NFIB: variants seen among roughly 807,000 people sequenced by gnomAD.
The protein encoded by NFIB is nuclear factor 1 B-type.
NFIB carries 11 observed loss-of-function variants against 61.5 expected under a neutral mutation model. The ratio of observed to expected loss-of-function variants is 0.18; its 90% CI spans 0.11 to 0.30. The LOEUF is 0.30. Among genes scored for constraint, NFIB ranks in the 10% least tolerant of loss-of-function variants. The pLI, the probability that NFIB is intolerant of heterozygous loss-of-function variation, is 1.00. For synonymous variants in NFIB, 260 were observed against 216.5 expected, an observed-to-expected ratio of 1.20 and a Z score of -1.76; for missense variants, 471 against 608.9, an observed-to-expected ratio of 0.77 and a Z score of 2.38.
the NFIB span, among the ~76,000 whole-genome samples, chr9:14,483,656 C>T: frequency 0.11 from 16,616 of 152,130 alleles, 1,010 homozygotes; most frequent in South Asian, 0.19. Flanking sequence ...GCGCAGTACC[C>T]GGCACATGGA....
the NFIB span, among the ~76,000 whole-genome samples, chr9:14,484,351 A>G: frequency 4.3e-4 from 66 of 152,284 alleles, no homozygotes; most frequent in African/African-American, 1.6e-3. Flanking sequence ...TTTGCTTTGG[A>G]TTCTAGCAGG....
intron 2 of NFIB, among the ~76,000 whole-genome samples, chr9:14,186,503 G>GA (rs1162911380): frequency 6.6e-6 from 1 of 152,092 alleles, no homozygotes; most frequent in Non-Finnish European, 1.5e-5. Context: ...TAACAGGTAA[G>GA]AAACAAAAGC....
chr9:14,185,576 T>C (rs556094825), intron 2 of NFIB, among the ~76,000 whole-genome samples: 2 of 152,278 alleles, frequency 1.3e-5, no homozygotes, highest in Admixed American at 1.3e-4. Flanking sequence ...CGAAGTCTAT[T>C]ATTGCCCTAT....
chr9:14,309,907 T>G (rs2060203628), intron 1 of NFIB, among the ~76,000 whole-genome samples: 1 of 152,202 alleles, frequency 6.6e-6, no homozygotes, highest in South Asian at 2.1e-4. Flanking sequence ...GTGGGTGGGC[T>G]CTGTCTCACT....
At chr9:14,300,410 T>A (rs2059687359) in intron 2 of NFIB, among the ~76,000 whole-genome samples, 1 of 152,204 alleles carries the variant, frequency 6.6e-6, no homozygotes, top group African/African-American at 2.4e-5. Flanking sequence ...AGCACATACA[T>A]AGGAAAACCC....
chr9:14,120,055 TTG>T lies in NFIB; in HGVS notation c.1245+383_1245+384del, dbSNP rs2038726536. The stretch of plus-strand genomic sequence containing the variant: ...TCTATAAATACAACTGTAAGTTCTT[TTG>T]TGTGTGTTTATTTTAGCACATACCT... On this transcript the variant is annotated intron_variant, in intron 8 of 10. Transcript: ENST00000380953. The surrounding 1 kb of genome is among the most constrained non-coding windows in gnomAD (Gnocchi z 4.4). Among the ~76,000 whole-genome samples, 1 of 152,234 alleles carries T rather than the reference TTG, an allele frequency of 6.6e-6. No individual in the cohort carries two copies. Among genetic ancestry groups the T allele is most frequent in the African/African-American group, 2.4e-5 (1 of 41,458 alleles).
rs1460411969 is a variant in NFIB, at chr9:14,273,137, G to A, written c.562+33852C>T. ...ATGCTACAAAGCTTTTGCTCGTCTGGGAAAACATGTTCCCAGTTTTAAACT... is the reference window on the plus strand; with the variant it reads ...ATGCTACAAAGCTTTTGCTCGTCTGAGAAAACATGTTCCCAGTTTTAAACT... On this transcript the variant is annotated intron_variant, in intron 2 of 10. Coordinates refer to ENST00000380953, the MANE Select transcript of NFIB (RefSeq NM_001190737.2). Among the ~76,000 whole-genome samples, 5 of 152,064 alleles carry A rather than the reference G, an allele frequency of 3.3e-5. No homozygotes were observed. The South Asian group carries it at 1.0e-3, about 32-fold the overall frequency.
chr9:14,097,643 G>C (rs2035022742), intron 10 of NFIB, among the ~76,000 whole-genome samples: 1 of 151,990 alleles, frequency 6.6e-6, no homozygotes, highest in South Asian at 2.1e-4. Context: ...CACACATATA[G>C]ATGCATACAC....
At chr9:14,317,890 ATTCACT>A (rs1348184710), upstream of NFIB, among the ~76,000 whole-genome samples, 1 of 152,184 alleles carries the variant, frequency 6.6e-6, no homozygotes. Context: ...CCTGCATTGT[ATTCACT>A]TTCCATTTTT....
intron 2 of NFIB, among the ~76,000 whole-genome samples, chr9:14,182,064 T>C (rs1563873608): frequency 6.6e-6 from 1 of 152,210 alleles, no homozygotes. Context: ...AACAATGGCA[T>C]CCCCTGTTAC....
intron 6 of NFIB, among the ~76,000 whole-genome samples, chr9:14,138,408 TA>T (rs779620697): frequency 6.6e-6 from 1 of 152,116 alleles, no homozygotes; most frequent in Non-Finnish European, 1.5e-5. Flanking sequence ...AATACAAATA[TA>T]ATCTATGGAC....
chr9:14,421,237 A>G, the NFIB span, among the ~76,000 whole-genome samples: 1 of 152,202 alleles, frequency 6.6e-6, no homozygotes, highest in Non-Finnish European at 1.5e-5. Flanking sequence ...GATAAATAAC[A>G]ATCATATTAA....
chr9:14,370,446 TA>T (rs777467076), intron 1 of NFIB, among the ~76,000 whole-genome samples: 24 of 152,192 alleles, frequency 1.6e-4, no homozygotes, highest in Non-Finnish European at 2.9e-4. Context: ...AATAAGAGTG[TA>T]AATGATAAGA....
At chr9:14,303,682 A>C (rs965528540) in intron 2 of NFIB, among the ~76,000 whole-genome samples, 3 of 152,186 alleles carry the variant, frequency 2.0e-5, no homozygotes, top group African/African-American at 7.2e-5. Flanking sequence ...AAAGGCATTC[A>C]GCAACTAGAC....
the NFIB span, among the ~76,000 whole-genome samples, chr9:14,470,987 A>AT: frequency 3.3e-5 from 5 of 152,378 alleles, no homozygotes; most frequent in South Asian, 1.0e-3. Flanking sequence ...CTTGGACCTG[A>AT]AATGGTTAGA....
At chr9:14,359,847 G>C (rs1264230043) in intron 1 of NFIB, among the ~76,000 whole-genome samples, 1 of 152,064 alleles carries the variant, frequency 6.6e-6, no homozygotes, top group Admixed American at 6.6e-5. Context: ...TAGATTTAAA[G>C]AAAGACATTT....
rs1408277096 is a variant in NFIB, at chr9:14,297,468, G to A, written c.562+9521C>T. On this transcript the variant is annotated intron_variant, in intron 2 of 10. Coordinates refer to ENST00000380953, the MANE Select transcript of NFIB (RefSeq NM_001190737.2). ...ATTCTGAAAAGCATTTAAATTCCTT[G>A]ATCTTGTGAACATTCCTGGGGGAAA... 4.6e-5 allele frequency among the ~76,000 whole-genome samples: 7 copies of A among 152,128 alleles called. No homozygotes were observed. In the South Asian group the frequency reaches 1.4e-3, roughly 32 times the overall value.
chr9:14,355,028 G>A (rs943794864), intron 1 of NFIB, among the ~76,000 whole-genome samples: 10 of 152,028 alleles, frequency 6.6e-5, no homozygotes, highest in Admixed American at 5.9e-4. Flanking sequence ...CTGCTTCAGG[G>A]ATGGGGAGAT....
In NFIB at chr9:14,334,060, C is replaced by G. The variant is rs183729089; in HGVS notation, c.109-26540G>C. The stretch of plus-strand genomic sequence containing the variant: ...GTAACCGTGTTTTGTTTTGTTGTTT[C>G]CACATTGCAGTATGGAATTCTATTG... On this transcript the variant is annotated intron_variant, in intron 1 of 8. Transcript: ENST00000380934. 3.9e-5 allele frequency among the ~76,000 whole-genome samples: 6 copies of G among 152,340 alleles called. 1 individual carries two copies. Among genetic ancestry groups the G allele is most frequent in the Admixed American group, 3.9e-4 (6 of 15,302 alleles).
Sources: allele counts gnomAD v4.1 joint callset (sites outside exome capture counted in the v4.1 genomes callset), GRCh38; gene constraint gnomAD v4.1.1; non-coding constraint Gnocchi (gnomAD v3.1); transcripts MANE v1.5; gene names NCBI Gene and HGNC (gene_info 2026-07-23, HGNC 2026-07-21).